Variants in ALDH9A1 observed in about 807,000 individuals in gnomAD.
ALDH9A1 encodes the protein aldehyde dehydrogenase 9 family member A1, also known as 4-trimethylaminobutyraldehyde dehydrogenase.
Under a neutral mutation model 56.6 loss-of-function variants are expected in ALDH9A1, and 42 were observed. The observed-to-expected ratio is 0.74, with a 90% confidence interval of 0.58 to 0.96. The LOEUF is 0.96. Ranked by LOEUF, ALDH9A1 falls within the 40% of genes least tolerant of loss-of-function variation. ALDH9A1 has a pLI of 0.00. For missense variants in ALDH9A1, 661 were observed against 651.5 expected (o/e 1.01, Z -0.16); for synonymous variants, 242 against 236.0 (o/e 1.03, Z -0.23).
intron 9 of ALDH9A1, 39 bp downstream of exon 9, chr1:165,667,270 G>A (rs763069666): frequency 2.7e-5 from 44 of 1,611,898 alleles, no homozygotes; most frequent in Admixed American, 8.4e-5. Context: ...CTGCAGCCCC[G>A]CTCCTTCAAA....
rs541410521 is a variant in ALDH9A1 at position 165,691,119 on chromosome 1, G to A, written c.327+4133C>T. ...TGGGAGACACCTCCCAGTCGAGGCC[G>A]ACTGACACCTCATACAGGTGGGTGC... On this transcript the variant is annotated intron_variant, in intron 2 of 10. Transcript: ENST00000354775. Among the ~76,000 whole-genome samples the A allele has an allele frequency of 1.1e-4, 16 of 152,264 alleles. No homozygotes were observed. The East Asian group carries it at 2.1e-3, about 20-fold the overall frequency.
intron 6 of ALDH9A1, chr1:165,671,569 T>G (rs1451769585): frequency 6.6e-6 from 3 of 457,732 alleles, no homozygotes; most frequent in Non-Finnish European, 1.3e-5. Flanking sequence ...CAGTTGCTGT[T>G]CAAAAGCTTC....
At position 165,668,944 on chromosome 1, in the gene ALDH9A1, T is replaced by C. The variant is rs761333115; in HGVS notation, c.1189A>G (p.Met397Val). The C allele has an allele frequency of 1.9e-6, 3 of 1,604,988 alleles. No individual in the cohort carries two copies. Among genetic ancestry groups the C allele is most frequent in the East Asian group, 4.5e-5 (2 of 44,818 alleles). Residue 397 changes from methionine (M) to valine (V), a missense_variant, in exon 8 of 11, where the codon ATG becomes GTG. Met to Val is a conservative substitution (Grantham distance 21). Coordinates refer to ENST00000354775, the MANE Select transcript of ALDH9A1 (RefSeq NM_000696.4). Reference sequence around the variant, plus strand: ...GACATACTTAATACACAAGGTCTCATGTAATATCCATCCTTTAATTTGGGA... The same window carrying C: ...GACATACTTAATACACAAGGTCTCACGTAATATCCATCCTTTAATTTGGGA... ...EDPKLKDGYYMRPCVLTNCRD... is the reference protein window; with the variant it reads ...EDPKLKDGYYVRPCVLTNCRD...
intron 9 of ALDH9A1, among the ~76,000 whole-genome samples, chr1:165,666,984 C>T (rs568318783): frequency 6.6e-6 from 1 of 152,220 alleles, no homozygotes; most frequent in East Asian, 1.9e-4. Context: ...AGAATACTGC[C>T]CACAATTTAT....
At chr1:165,679,413 T>C (rs1247398491) in intron 6 of ALDH9A1, 29 bp downstream of exon 6, 14 of 1,612,298 alleles carry the variant, frequency 8.7e-6, no homozygotes, top group Non-Finnish European at 1.2e-5. Flanking sequence ...GAGATTCCTT[T>C]TACACCTCTT....
intron 1 of ALDH9A1, among the ~76,000 whole-genome samples, chr1:165,697,366 T>C (rs1244649267): frequency 6.6e-6 from 1 of 152,246 alleles, no homozygotes; most frequent in East Asian, 1.9e-4. Flanking sequence ...CCATTAACTA[T>C]GCAGAAGCAA....
chr1:165,698,024 C>T (rs1650147543), intron 1 of ALDH9A1, among the ~76,000 whole-genome samples: 1 of 152,100 alleles, frequency 6.6e-6, no homozygotes, highest in Non-Finnish European at 1.5e-5. Context: ...GAGTGAGACC[C>T]TGTCTCAAAA....
chr1:165,683,409 A>G (rs1427693037), intron 2 of ALDH9A1, among the ~76,000 whole-genome samples: 1 of 152,202 alleles, frequency 6.6e-6, no homozygotes, highest in Non-Finnish European at 1.5e-5. Context: ...TGAGGCTCTG[A>G]AAGTCACAGG....
intron 6 of ALDH9A1, among the ~76,000 whole-genome samples, chr1:165,673,560 C>T (rs1392893360): frequency 6.6e-6 from 1 of 152,132 alleles, no homozygotes; most frequent in East Asian, 1.9e-4. Context: ...TGAGGAGATC[C>T]TCCCGACCCA....
Position 165,662,581 on chromosome 1 carries a change from T to C in ALDH9A1, c.*469A>G, listed in dbSNP as rs1648876327. 1 of 153,538 alleles carries C rather than the reference T, an allele frequency of 6.5e-6. No individual in the cohort carries two copies. The highest frequency in any genetic ancestry group is 6.5e-5 in the Admixed American group (1 of 15,402). The allele number at this position is 153,538 out of a possible 1,614,324, so 9.5% of individuals were successfully genotyped here. A position where few individuals can be genotyped will look rare whatever the true frequency, so the allele number is the denominator to read the frequency against. ...GGTTTTTTTTTGTTTTTTGTTTTTT[T>C]TCTTCAAGACTAGGCAAGTGAAGCA... On this transcript the variant is annotated 3_prime_UTR_variant, in exon 11 of 11. Transcript: ENST00000354775.
chr1:165,675,343 ATTCT>A (rs1649324924), intron 6 of ALDH9A1, among the ~76,000 whole-genome samples: 1 of 151,970 alleles, frequency 6.6e-6, no homozygotes, highest in African/African-American at 2.4e-5. Flanking sequence ...TACTATATGT[ATTCT>A]TTGTGTGTGT....
intron 3 of ALDH9A1, 127 bp downstream of exon 3, chr1:165,682,854 G>A (rs1478344382): frequency 3.6e-5 from 39 of 1,070,266 alleles, no homozygotes; most frequent in Non-Finnish European, 4.7e-5. Context: ...GGCCACCCAG[G>A]TAGAAAGTGA....
At position 165,662,790 on chromosome 1, in the gene ALDH9A1, T is replaced by G. The variant is rs183341124; in HGVS notation, c.*260A>C. The G allele has an allele frequency of 9.0e-5, 40 of 445,546 alleles. No individual in the cohort carries two copies. The highest frequency in any genetic ancestry group is 6.5e-4 in the Middle Eastern group (1 of 1,548). The allele number at this position is 445,546 out of a possible 1,614,324, so 27.6% of individuals were successfully genotyped here. On this transcript the variant is annotated 3_prime_UTR_variant, in exon 11 of 11. Transcript: ENST00000354775. ...TCTCTTTTCCTGTTCTCTAGAAGTA[T>G]GTTACTGGCTCTTAAAAGATTTCAC...
intron 4 of ALDH9A1, 118 bp downstream of exon 4, chr1:165,681,989 G>A (rs1471564434): frequency 7.3e-7 from 1 of 1,374,660 alleles, no homozygotes; most frequent in Non-Finnish European, 1.0e-6. Flanking sequence ...ATATCCCAGA[G>A]CAGGCCCCTT....
intron 2 of ALDH9A1, among the ~76,000 whole-genome samples, chr1:165,687,213 C>T (rs1649736756): frequency 2.6e-5 from 4 of 151,736 alleles, no homozygotes. Flanking sequence ...ATGAACTGAG[C>T]ATCAGTGACG....
chr1:165,683,631 T>C (rs1453376056), intron 2 of ALDH9A1, among the ~76,000 whole-genome samples: 1 of 152,244 alleles, frequency 6.6e-6, no homozygotes, highest in Non-Finnish European at 1.5e-5. Context: ...CACAATTGCA[T>C]TTAAGAGGTT....
chr1:165,693,124 C>T (rs1251395241), intron 2 of ALDH9A1, among the ~76,000 whole-genome samples: 1 of 152,080 alleles, frequency 6.6e-6, no homozygotes, highest in African/African-American at 2.4e-5. Flanking sequence ...AGAAGAAAAC[C>T]TAGGCAATAC....
At position 165,695,249 on chromosome 1, in the gene ALDH9A1, T is replaced by C. The variant is rs1650034010; in HGVS notation, c.327+3A>G. 3.7e-6 allele frequency: 6 copies of C among 1,602,152 alleles called. No individual in the cohort carries two copies. In the African/African-American group the frequency reaches 4.1e-5, roughly 11 times the overall value. On this transcript the variant is annotated splice_donor_region_variant and intron_variant, in intron 2 of 10. Transcript: ENST00000354775. ...TTCTGGAAGGAAATAAATTGGAACA[T>C]ACCCTTATTATCCTGGCAGCCTCCA...
chr1:165,678,092 TTGGGAGGCCAACG>T (rs1466351621), intron 6 of ALDH9A1, among the ~76,000 whole-genome samples: 2 of 151,612 alleles, frequency 1.3e-5, no homozygotes, highest in African/African-American at 2.4e-5. Flanking sequence ...TCCCAGCACT[TTGGGAGGCCAACG>T]TGGGTGGATT....
Sources: allele counts gnomAD v4.1 joint callset (sites outside exome capture counted in the v4.1 genomes callset), GRCh38; gene constraint gnomAD v4.1.1; transcripts MANE v1.5; gene names NCBI Gene and HGNC (gene_info 2026-07-23, HGNC 2026-07-21).